USH2A: variants seen among roughly 807,000 people sequenced by gnomAD.
USH2A encodes Usher syndrome 2A (autosomal recessive, mild).
USH2A carries 443 observed loss-of-function variants against 538.9 expected under a neutral mutation model. The ratio of observed to expected loss-of-function variants is 0.82; its 90% confidence interval spans 0.76 to 0.89. USH2A has a LOEUF of 0.89. Ranked by LOEUF, USH2A falls within the 40% of genes least tolerant of loss-of-function variation. The probability of loss-of-function intolerance (pLI) is 0.00; values close to 1 mark genes in which losing one functional copy is unlikely to be tolerated. For missense variants in USH2A, 6,633 were observed against 6,324.8 expected, an observed-to-expected ratio of 1.05 and a Z score of -1.65; for synonymous variants, 2,413 against 2,273.5, an observed-to-expected ratio of 1.06 and a Z score of -1.75.
At chr1:216,408,576 A>T (rs2039433273) in intron 3 of USH2A, among the ~76,000 whole-genome samples, 1 of 152,222 alleles carries the variant, frequency 6.6e-6, no homozygotes, top group Non-Finnish European at 1.5e-5. Flanking sequence ...GACAGAAGAT[A>T]CATTCTTACA....
chr1:216,153,659 T>C (rs1177407262), intron 21 of USH2A, among the ~76,000 whole-genome samples: 6 of 152,194 alleles, frequency 3.9e-5, no homozygotes, highest in Admixed American at 6.5e-5. Flanking sequence ...AATATGCCTA[T>C]AGATATTGCC....
intron 32 of USH2A, among the ~76,000 whole-genome samples, chr1:216,034,071 G>T (rs1462194553): frequency 1.3e-5 from 2 of 152,158 alleles, no homozygotes; most frequent in Non-Finnish European, 2.9e-5. Context: ...TGAGAAAAAT[G>T]TTCATGGCTT....
chr1:216,163,417 G>A (rs1293774287), intron 21 of USH2A, among the ~76,000 whole-genome samples: 2 of 151,858 alleles, frequency 1.3e-5, no homozygotes, highest in African/African-American at 4.8e-5. Context: ...GCCTATGTGT[G>A]TATGCAAATA....
chr1:216,405,760 A>G (rs1226111043), intron 3 of USH2A, among the ~76,000 whole-genome samples: 2 of 152,240 alleles, frequency 1.3e-5, no homozygotes, highest in African/African-American at 4.8e-5. Context: ...GATACAACCC[A>G]AAACTAGAAT....
chr1:215,906,332 T>C (rs1013753659), intron 38 of USH2A, among the ~76,000 whole-genome samples: 2 of 152,034 alleles, frequency 1.3e-5, no homozygotes, highest in African/African-American at 4.8e-5. Flanking sequence ...AGAATTACAC[T>C]CCAAAATTGT....
chr1:216,300,443 G>C (rs2037193057), intron 9 of USH2A, among the ~76,000 whole-genome samples: 1 of 152,096 alleles, frequency 6.6e-6, no homozygotes, highest in South Asian at 2.1e-4. Context: ...TCATTTAACT[G>C]CTTTCATTTT....
At chr1:216,029,543 T>C (rs1411353409) in intron 32 of USH2A, among the ~76,000 whole-genome samples, 1 of 151,964 alleles carries the variant, frequency 6.6e-6, no homozygotes, top group Non-Finnish European at 1.5e-5. Flanking sequence ...AATGAAATAT[T>C]TGTGATGCTA....
At chr1:215,792,872 T>G (rs1662020079) in intron 50 of USH2A, among the ~76,000 whole-genome samples, 1 of 152,238 alleles carries the variant, frequency 6.6e-6, no homozygotes, top group Non-Finnish European at 1.5e-5. Flanking sequence ...GATTGGTCCA[T>G]TCTTCCAGAG....
chr1:215,955,813 A>G (rs1667050606), intron 37 of USH2A, among the ~76,000 whole-genome samples: 2 of 152,208 alleles, frequency 1.3e-5, no homozygotes, highest in South Asian at 4.1e-4. Flanking sequence ...CTTGGTATAT[A>G]GAACTATGAT....
chr1:216,356,060 C>A (rs1173662491), intron 4 of USH2A, among the ~76,000 whole-genome samples: 1 of 152,060 alleles, frequency 6.6e-6, no homozygotes, highest in East Asian at 1.9e-4. Flanking sequence ...AAGTTATATT[C>A]TTTGCCAAAG....
chr1:216,366,434 T>C (rs2038598486), intron 3 of USH2A, among the ~76,000 whole-genome samples: 1 of 152,018 alleles, frequency 6.6e-6, no homozygotes, highest in Admixed American at 6.6e-5. Flanking sequence ...TCTCTGAAAT[T>C]TCCACTCAGT....
At chr1:215,656,672 C>CA (rs1657264971) in intron 64 of USH2A, among the ~76,000 whole-genome samples, 1 of 152,092 alleles carries the variant, frequency 6.6e-6, no homozygotes, top group Non-Finnish European at 1.5e-5. Flanking sequence ...TGTTAACTGT[C>CA]AGAGATTAAG....
At chr1:216,285,646 T>A (rs1394221494) in intron 11 of USH2A, among the ~76,000 whole-genome samples, 1 of 152,172 alleles carries the variant, frequency 6.6e-6, no homozygotes, top group Non-Finnish European at 1.5e-5. Flanking sequence ...CACCAACACC[T>A]TGCATCGTGT....
chr1:215,963,071 C>A (rs1485941931), intron 37 of USH2A, among the ~76,000 whole-genome samples: 1 of 152,102 alleles, frequency 6.6e-6, no homozygotes, highest in East Asian at 1.9e-4. Context: ...TCTAACCACC[C>A]CCTCTTTAGC....
chr1:215,920,045 A>G (rs1189081976), intron 38 of USH2A, among the ~76,000 whole-genome samples: 1 of 151,460 alleles, frequency 6.6e-6, no homozygotes, highest in East Asian at 2.0e-4. Context: ...CATTTGATAT[A>G]AAATGTCAGT....
At chr1:215,647,377 C>T in intron 67 of USH2A, 145 bp downstream of exon 67, 5 of 1,027,506 alleles carry the variant, frequency 4.9e-6, no homozygotes, top group Non-Finnish European at 7.3e-6. Context: ...CCTCAGTAGT[C>T]ATCCTCATCA....
At chr1:215,856,488 C>T (rs1328362992) in intron 44 of USH2A, among the ~76,000 whole-genome samples, 2 of 151,960 alleles carry the variant, frequency 1.3e-5, no homozygotes, top group South Asian at 4.2e-4. Flanking sequence ...CAAATGAAAA[C>T]CACAATATGG....
chr1:216,128,086 A>G (rs1348437630), intron 21 of USH2A, among the ~76,000 whole-genome samples: 1 of 152,140 alleles, frequency 6.6e-6, no homozygotes, highest in Non-Finnish European at 1.5e-5. Flanking sequence ...ACTGACTTTT[A>G]TGAGGAAAAT....
intron 15 of USH2A, among the ~76,000 whole-genome samples, chr1:216,216,673 A>C (rs2035348085): frequency 6.6e-6 from 1 of 152,116 alleles, no homozygotes; most frequent in Non-Finnish European, 1.5e-5. Context: ...GAAAACGGTC[A>C]ATATGTTATG....
Sources: allele counts gnomAD v4.1 joint callset (sites outside exome capture counted in the v4.1 genomes callset), GRCh38; gene constraint gnomAD v4.1.1; transcripts MANE v1.5; gene names NCBI Gene and HGNC (gene_info 2026-07-23, HGNC 2026-07-21).